The following ENAH variants were observed in gnomAD, a reference collection of about 807,000 sequenced individuals.
ENAH encodes protein enabled homolog.
ENAH carries 23 observed loss-of-function variants against 78.7 expected under a neutral mutation model. The ratio of observed to expected loss-of-function variants is 0.29; its 90% CI spans 0.21 to 0.41. ENAH has a LOEUF of 0.41. Ranked by LOEUF, ENAH falls within the 10% of genes least tolerant of loss-of-function variation. The probability of loss-of-function intolerance (pLI) is 1.00; values close to 1 mark genes in which losing one functional copy is unlikely to be tolerated. For missense variants in ENAH, 544 were observed against 691.0 expected (o/e 0.79, Z 2.39); for synonymous variants, 226 against 241.0 (o/e 0.94, Z 0.58).
chr1:225,646,562 A>C (rs1360306461), intron 1 of ENAH, among the ~76,000 whole-genome samples: 1 of 152,154 alleles, frequency 6.6e-6, no homozygotes, highest in Non-Finnish European at 1.5e-5. Context: ...TCCCACCTGT[A>C]ATCCCACGAG....
intron 1 of ENAH, among the ~76,000 whole-genome samples, chr1:225,616,394 G>T (rs565132374): frequency 2.0e-5 from 3 of 149,138 alleles, no homozygotes; most frequent in Non-Finnish European, 4.4e-5. Flanking sequence ...AATTATTTCA[G>T]ACTCACTGGT....
At chr1:225,544,357 C>A (rs1374482280) in intron 3 of ENAH, among the ~76,000 whole-genome samples, 2 of 152,184 alleles carry the variant, frequency 1.3e-5, no homozygotes, top group East Asian at 1.9e-4. Context: ...TGTAGCACCA[C>A]TGAATAAAGA....
At chr1:225,607,466 C>T (rs2148072725) in intron 1 of ENAH, among the ~76,000 whole-genome samples, 1 of 148,138 alleles carries the variant, frequency 6.8e-6, no homozygotes, top group Non-Finnish European at 1.5e-5. Context: ...AGGGAATGTA[C>T]CAAGAATAAA....
chr1:225,550,768 G>C (rs1301225005), intron 3 of ENAH, among the ~76,000 whole-genome samples: 1 of 152,040 alleles, frequency 6.6e-6, no homozygotes, highest in Non-Finnish European at 1.5e-5. Context: ...AGCAAAAGTA[G>C]TCTTTTAGAT....
At chr1:225,612,582 T>C (rs1457598128) in intron 1 of ENAH, among the ~76,000 whole-genome samples, 1 of 152,180 alleles carries the variant, frequency 6.6e-6, no homozygotes, top group Non-Finnish European at 1.5e-5. Context: ...CCATGGTAAA[T>C]TTTATGTTAT....
At chr1:225,608,525 G>A (rs989871027) in intron 1 of ENAH, among the ~76,000 whole-genome samples, 3 of 151,656 alleles carry the variant, frequency 2.0e-5, no homozygotes, top group African/African-American at 4.8e-5. Context: ...TTCTTATAAG[G>A]GTCTTGGAGG....
At chr1:225,650,383 A>G (rs565054914) in intron 1 of ENAH, among the ~76,000 whole-genome samples, 1 of 152,352 alleles carries the variant, frequency 6.6e-6, no homozygotes, top group Admixed American at 6.5e-5. Flanking sequence ...GAGCTTGAAA[A>G]ACAGAAGTTA....
At chr1:225,652,096 C>A (rs1417158382) in intron 1 of ENAH, among the ~76,000 whole-genome samples, 1 of 151,508 alleles carries the variant, frequency 6.6e-6, no homozygotes, top group Non-Finnish European at 1.5e-5. Context: ...ACTTACTTAT[C>A]CCAGTCTTTT....
intron 1 of ENAH, among the ~76,000 whole-genome samples, chr1:225,601,303 G>A (rs753904679): frequency 2.0e-5 from 3 of 152,106 alleles, no homozygotes; most frequent in African/African-American, 4.8e-5. Flanking sequence ...GGCGGATCAC[G>A]ATGTCAGGAG....
intron 1 of ENAH, among the ~76,000 whole-genome samples, chr1:225,647,789 T>C (rs1470928722): frequency 6.6e-6 from 1 of 152,150 alleles, no homozygotes; most frequent in African/African-American, 2.4e-5. Flanking sequence ...GCAGTCAAAG[T>C]CAAACACTTA....
At chr1:225,611,290 C>T (rs61850606) in intron 1 of ENAH, among the ~76,000 whole-genome samples, 1 of 151,026 alleles carries the variant, frequency 6.6e-6, no homozygotes, top group Admixed American at 6.6e-5. Flanking sequence ...CTTGTCTCTA[C>T]CAAAAAAAAA....
At chr1:225,544,349 T>C (rs931878298) in intron 3 of ENAH, among the ~76,000 whole-genome samples, 1 of 152,230 alleles carries the variant, frequency 6.6e-6, no homozygotes, top group Non-Finnish European at 1.5e-5. Context: ...CAGGTCATTG[T>C]AGCACCACTG....
chr1:225,535,640 T>C, intron 3 of ENAH: 1 of 717,592 alleles, frequency 1.4e-6, no homozygotes, highest in South Asian at 1.5e-5. Context: ...AACTAAAAGG[T>C]GCTTTGAAAT....
At chr1:225,533,940 T>C (rs2096549883) in intron 3 of ENAH, among the ~76,000 whole-genome samples, 1 of 152,154 alleles carries the variant, frequency 6.6e-6, no homozygotes, top group Non-Finnish European at 1.5e-5. Context: ...TTATATTGTT[T>C]GCACACAGTT....
In ENAH at chr1:225,559,382, A is replaced by T. The variant is rs567116336; in HGVS notation, c.172-4299T>A. Among the ~76,000 whole-genome samples, 110 of 152,348 alleles carry T rather than the reference A, an allele frequency of 7.2e-4. 1 individual carries two copies. The highest frequency in any genetic ancestry group is 2.5e-3 in the African/African-American group (103 of 41,580). ...AAATTGTGACGTACATTTCAAAGGT[A>T]TGTGGTATATATGTCAATTAGGCTA... On this transcript the variant is annotated intron_variant, in intron 2 of 13. Transcript: ENST00000366843.
In ENAH at chr1:225,494,808, G is replaced by A. The variant is rs1193597978; in HGVS notation, c.*2967C>T. On this transcript the variant is annotated 3_prime_UTR_variant, in exon 14 of 14. Coordinates refer to ENST00000366843, the MANE Select transcript of ENAH (RefSeq NM_018212.6). Reference sequence around the variant, plus strand: ...AAGATTATCTAAGTGTCACAAACAAGCAACATATATATACTGCAATTTTAT... The same window carrying A: ...AAGATTATCTAAGTGTCACAAACAAACAACATATATATACTGCAATTTTAT... 6.6e-6 allele frequency: 1 copy of A among 152,518 alleles called. No homozygotes were observed. Among genetic ancestry groups the A allele is most frequent in the Non-Finnish European group, 1.5e-5 (1 of 68,024 alleles). 9.4% of individuals were successfully genotyped at this position (152,518 alleles called of 1,614,324 possible).
intron 1 of ENAH, among the ~76,000 whole-genome samples, chr1:225,613,052 A>G (rs953142926): frequency 2.0e-5 from 3 of 152,230 alleles, no homozygotes; most frequent in East Asian, 3.8e-4. Context: ...AAGACTCAGT[A>G]TGTGTCCTAT....
chr1:225,565,817 A>G (rs924602522), intron 2 of ENAH, among the ~76,000 whole-genome samples: 3 of 152,168 alleles, frequency 2.0e-5, no homozygotes, highest in African/African-American at 7.2e-5. Flanking sequence ...CAACACAACA[A>G]GGAAACTGGA....
Position 225,488,036 on chromosome 1 carries a change from TCAAAAAA to T in ENAH, c.*9732_*9738del, listed in dbSNP as rs1033852921. 6.6e-6 allele frequency: 1 copy of T among 151,940 alleles called. No homozygotes were observed. The highest frequency in any genetic ancestry group is 1.5e-5 in the Non-Finnish European group (1 of 67,958). 9.4% of individuals were successfully genotyped at this position (151,940 alleles called of 1,614,324 possible). ...GGTTCACTGCTGACTCCCCCACCTC[TCAAAAAA>T]CAAACAAACAAACAAACACCACCAA... On this transcript the variant is annotated 3_prime_UTR_variant, in exon 14 of 14. Transcript: ENST00000366843.
Sources: gnomAD v4.1 joint callset for allele counts (sites outside exome capture counted in the v4.1 genomes callset) on GRCh38, gnomAD v4.1.1 for gene constraint, MANE v1.5 for transcripts, NCBI Gene and HGNC (gene_info 2026-07-23, HGNC 2026-07-21) for gene names.